Variants in TTLL9 observed in about 807,000 individuals in gnomAD.
The protein encoded by TTLL9 is probable tubulin polyglutamylase TTLL9.
In TTLL9, 47 loss-of-function variants were observed where a neutral mutation model predicts 65.6. That is an observed-to-expected ratio of 0.72 (90% CI 0.57 to 0.91). The LOEUF is 0.91. Ranked by LOEUF, TTLL9 falls within the 40% of genes least tolerant of loss-of-function variation. The pLI is 0.00. For synonymous variants in TTLL9, 179 were observed against 204.8 expected (o/e 0.87, Z 1.07); for missense variants, 537 against 568.8 (o/e 0.94, Z 0.57).
chr20:31,873,587 C>G (rs1232218306), intron 2 of TTLL9, among the ~76,000 whole-genome samples: 4 of 150,682 alleles, frequency 2.7e-5, no homozygotes, highest in Non-Finnish European at 5.9e-5. Context: ...GAGGTTGAGG[C>G]TGCAGTGACC....
chr20:31,906,055 A>C (rs1477072792), intron 4 of TTLL9, among the ~76,000 whole-genome samples: 3 of 150,050 alleles, frequency 2.0e-5, no homozygotes. Flanking sequence ...AAAAAAAAAA[A>C]GGAAAGAAAA....
intron 2 of TTLL9, among the ~76,000 whole-genome samples, chr20:31,875,117 A>G (rs1269976409): frequency 6.6e-6 from 1 of 152,114 alleles, no homozygotes; most frequent in Admixed American, 6.5e-5. Flanking sequence ...AAAATGTCCA[A>G]CCTGCTTAGC....
At chr20:31,937,949 GAA>G (rs752732256) in intron 13 of TTLL9, among the ~76,000 whole-genome samples, 1 of 138,024 alleles carries the variant, frequency 7.2e-6, no homozygotes. Flanking sequence ...TGCAATAGCA[GAA>G]AAAAAAAAAA....
chr20:31,893,296 T>C (rs541917807), intron 3 of TTLL9, among the ~76,000 whole-genome samples: 22 of 150,266 alleles, frequency 1.5e-4, no homozygotes, highest in African/African-American at 4.4e-4. Flanking sequence ...TTTTTCTTTT[T>C]TTTTTTTTTT....
chr20:31,931,317 G>A (rs1050207589), intron 10 of TTLL9, among the ~76,000 whole-genome samples: 2 of 151,948 alleles, frequency 1.3e-5, no homozygotes, highest in Non-Finnish European at 2.9e-5. Flanking sequence ...GGGCTCAAGC[G>A]ATCCTCCTGC....
At chr20:31,907,105 G>C (rs1182645572) in intron 4 of TTLL9, among the ~76,000 whole-genome samples, 1 of 152,200 alleles carries the variant, frequency 6.6e-6, no homozygotes, top group Non-Finnish European at 1.5e-5. Context: ...AAAAGAAACA[G>C]ACAGGAGGGG....
At chr20:31,935,267 C>T (rs192687218) in intron 12 of TTLL9, among the ~76,000 whole-genome samples, 5 of 152,268 alleles carry the variant, frequency 3.3e-5, no homozygotes, top group East Asian at 3.9e-4. Context: ...GTTACAATGT[C>T]GATCTCTGCC....
Position 31,893,616 on chromosome 20 carries a change from TC to T in TTLL9, c.114-4854del, listed in dbSNP as rs2063339917. ...AAAGTCAGCTGTTCTTGTCTTCCAC[TC>T]CCACTCTCCACCACCCTCACCCCTC... On this transcript the variant is annotated intron_variant, in intron 3 of 14. Transcript: ENST00000535842. 2.6e-5 allele frequency among the ~76,000 whole-genome samples: 4 copies of T among 151,054 alleles called. No individual in the cohort carries two copies. The South Asian group carries it at 8.4e-4, about 32-fold the overall frequency.
At chr20:31,942,862 T>C (rs1269322234) in intron 14 of TTLL9, 83 bp from the exon 15 acceptor site, 1 of 1,385,862 alleles carries the variant, frequency 7.2e-7, no homozygotes, top group Non-Finnish European at 1.0e-6. Flanking sequence ...CTGTCCCCTC[T>C]TCCCAGCAGG....
intron 3 of TTLL9, among the ~76,000 whole-genome samples, chr20:31,889,972 CTCTTTCTT>C (rs758616240): frequency 0.16 from 17,785 of 113,402 alleles, 1,273 homozygotes; most frequent in Admixed American, 0.18. Context: ...CCACATCTCT[CTCTTTCTT>C]TCTTTCTTTC....
rs980859103 is a variant in TTLL9, at chr20:31,924,251, T to A, written c.665-758T>A. On this transcript the variant is annotated intron_variant, in intron 8 of 14. Transcript: ENST00000535842. ...CTGCCCACTTCACTCCACCCCAACGTGGCAGCCAGAGAGGAGACACCCTTC... is the reference window on the plus strand; with the variant it reads ...CTGCCCACTTCACTCCACCCCAACGAGGCAGCCAGAGAGGAGACACCCTTC... Among the ~76,000 whole-genome samples the A allele has an allele frequency of 1.4e-4, 22 of 152,222 alleles. 1 individual carries two copies. The highest frequency in any genetic ancestry group is 5.1e-4 in the African/African-American group (21 of 41,546).
chr20:31,881,036 G>A (rs148826487), intron 2 of TTLL9, among the ~76,000 whole-genome samples: 2 of 151,762 alleles, frequency 1.3e-5, no homozygotes, highest in East Asian at 3.9e-4. Context: ...TTTGTGTAGA[G>A]ACAGAGGAGT....
intron 3 of TTLL9, among the ~76,000 whole-genome samples, chr20:31,895,899 G>A (rs535714940): frequency 8.2e-4 from 124 of 151,604 alleles, no homozygotes; most frequent in African/African-American, 2.8e-3. Flanking sequence ...GAGTGCAGTG[G>A]CACAGTCTCG....
intron 10 of TTLL9, among the ~76,000 whole-genome samples, chr20:31,928,048 CTT>C (rs11339322): frequency 6.7e-4 from 98 of 146,374 alleles, no homozygotes; most frequent in Admixed American, 6.8e-4. Context: ...TTGCCACCTA[CTT>C]TTTTTTTTTT....
At chr20:31,909,112 G>A (rs2063603985) in intron 5 of TTLL9, among the ~76,000 whole-genome samples, 1 of 151,120 alleles carries the variant, frequency 6.6e-6, no homozygotes, top group South Asian at 2.1e-4. Flanking sequence ...GTAGCTTAGC[G>A]GTTGAAAGCA....
intron 10 of TTLL9, among the ~76,000 whole-genome samples, chr20:31,931,886 G>A (rs919075418): frequency 2.6e-5 from 4 of 152,084 alleles, no homozygotes; most frequent in Non-Finnish European, 5.9e-5. Flanking sequence ...TTTTAATTCT[G>A]ATAAAGTTGA....
chr20:31,908,600 G>A lies in TTLL9; in HGVS notation c.216G>A (p.Glu72=). 6.2e-7 allele frequency: 1 copy of A among 1,613,942 alleles called. No homozygotes were observed. The highest frequency in any genetic ancestry group is 8.5e-7 in the Non-Finnish European group (1 of 1,179,824). The change falls in exon 5 of 15, where the codon GAG becomes GAA. Residue 72 remains glutamate (E), a synonymous_variant. Coordinates refer to ENST00000535842, the MANE Select transcript of TTLL9 (RefSeq NM_001008409.5). ...PGWVEVKDEG[E]WDFYWCDVSW... ...CCCACCCCACCCCCAGCGAAGGGGA[G>A]TGGGATTTCTACTGGTGTGACGTCA... is the stretch of plus-strand genomic sequence containing the variant.
At chr20:31,873,817 GAAGGAAGAAAGAAAGAAAGA>G (rs1172074887) in intron 2 of TTLL9, among the ~76,000 whole-genome samples, 1,658 of 81,948 alleles carry the variant, frequency 0.02, 14 homozygotes, top group African/African-American at 0.053. Context: ...AGGAAGGAAG[GAAGGAAGAAAGAAAGAAAGA>G]AAGAAAGAAA....
chr20:31,873,678 G>GAC lies in TTLL9; in HGVS notation c.69+2484_69+2485insCA, dbSNP rs1349808859. On this transcript the variant is annotated intron_variant, in intron 2 of 14. Coordinates refer to ENST00000535842, the MANE Select transcript of TTLL9 (RefSeq NM_001008409.5). ...AAAAGACAAAAGAAAGAAAGAAAGAGAGAGAGAGAAAGAAAGAAAGAAAGA... is the reference window on the plus strand; with the variant it reads ...AAAAGACAAAAGAAAGAAAGAAAGAGACAGAGAGAGAAAGAAAGAAAGAAAGA... 2.6e-3 allele frequency among the ~76,000 whole-genome samples: 217 copies of GAC among 83,696 alleles called. 3 individuals carry two copies. The East Asian group carries it at 0.061, about 24-fold the overall frequency. The allele number at this position is 83,696 out of a possible 152,430, so 54.9% of individuals were successfully genotyped here. A position where few individuals can be genotyped will look rare whatever the true frequency, so the allele number is the denominator to read the frequency against.
Sources: allele counts gnomAD v4.1 joint callset (sites outside exome capture counted in the v4.1 genomes callset), GRCh38; gene constraint gnomAD v4.1.1; transcripts MANE v1.5; gene names NCBI Gene and HGNC (gene_info 2026-07-23, HGNC 2026-07-21).